The following DGLUCY variants were observed in gnomAD, a reference collection of about 807,000 sequenced individuals.
The protein encoded by DGLUCY is D-glutamate cyclase, mitochondrial.
A neutral mutation model predicts 58.5 loss-of-function variants in DGLUCY; 58 were observed. That is an observed-to-expected ratio of 0.99 (90% CI 0.80 to 1.23). The LOEUF (loss-of-function observed/expected upper bound fraction) is 1.23, where lower values mean the gene tolerates loss of function less well. DGLUCY is among the 50% of genes most tolerant of loss of function. The probability of loss-of-function intolerance (pLI) is 0.00; values close to 1 mark genes in which losing one functional copy is unlikely to be tolerated. For missense variants in DGLUCY, 779 were observed against 784.7 expected, an observed-to-expected ratio of 0.99 and a Z score of 0.09; for synonymous variants, 325 against 314.1, an observed-to-expected ratio of 1.03 and a Z score of -0.37.
intron 1 of DGLUCY, among the ~76,000 whole-genome samples, chr14:91,061,346 G>A (rs893315003): frequency 6.6e-6 from 1 of 152,320 alleles, no homozygotes; most frequent in Non-Finnish European, 1.5e-5. Context: ...ACGAAGGAGA[G>A]ACATTTCTGT....
At chr14:91,075,066 C>G (rs1448773480) in intron 1 of DGLUCY, among the ~76,000 whole-genome samples, 1 of 143,036 alleles carries the variant, frequency 7.0e-6, no homozygotes, top group East Asian at 2.0e-4. Context: ...GAGAGAAACT[C>G]CGTCTCAAAA....
Position 91,192,661 on chromosome 14 carries a change from G to A in DGLUCY, c.1195+3491G>A, listed in dbSNP as rs142206331. The stretch of plus-strand genomic sequence containing the variant: ...CTAAAAATACAAAAATTAGCCAGGC[G>A]TGGTGGCTGGTGCACACCTGTAATC... On this transcript the variant is annotated intron_variant, in intron 9 of 13. Coordinates refer to ENST00000256324, the MANE Select transcript of DGLUCY (RefSeq NM_001102368.3). Among the ~76,000 whole-genome samples, 11 of 152,038 alleles carry A rather than the reference G, an allele frequency of 7.2e-5. No homozygotes were observed. The East Asian group carries it at 9.6e-4, about 13-fold the overall frequency.
intron 3 of DGLUCY, among the ~76,000 whole-genome samples, chr14:91,163,259 C>CA (rs1293171005): frequency 6.8e-6 from 1 of 148,038 alleles, no homozygotes; most frequent in South Asian, 2.1e-4. Flanking sequence ...GACTCCGTCT[C>CA]AAAAAAAAGA....
At chr14:91,116,893 G>A (rs2044992305) in intron 1 of DGLUCY, among the ~76,000 whole-genome samples, 3 of 149,318 alleles carry the variant, frequency 2.0e-5, no homozygotes, top group South Asian at 4.2e-4. Flanking sequence ...GCAGTGAGCC[G>A]AAATCGCCCC....
chr14:91,218,613 G>A (rs1203515920), intron 13 of DGLUCY, among the ~76,000 whole-genome samples: 2 of 151,876 alleles, frequency 1.3e-5, no homozygotes, highest in African/African-American at 2.4e-5. Context: ...ATGTTGGCCA[G>A]GCTGGTCTTG....
At chr14:91,184,259 C>T (rs1008055677) in intron 8 of DGLUCY, among the ~76,000 whole-genome samples, 3 of 152,026 alleles carry the variant, frequency 2.0e-5, no homozygotes, top group Non-Finnish European at 2.9e-5. Context: ...AGCACTGTCA[C>T]GAATCTGACA....
chr14:91,167,718 C>T (rs1225152835), intron 4 of DGLUCY: 1 of 698,870 alleles, frequency 1.4e-6, no homozygotes, highest in African/African-American at 1.8e-5. Flanking sequence ...ACTTGCATTA[C>T]CAACACCCAG....
At chr14:91,075,475 G>A (rs2044004832) in intron 1 of DGLUCY, among the ~76,000 whole-genome samples, 1 of 152,096 alleles carries the variant, frequency 6.6e-6, no homozygotes, top group African/African-American at 2.4e-5. Flanking sequence ...AAGAGCCCTT[G>A]TTTGTCCTTT....
chr14:91,199,575 C>T (rs1439338610), intron 10 of DGLUCY, among the ~76,000 whole-genome samples, 182 bp from the exon 11 acceptor site: 3 of 152,116 alleles, frequency 2.0e-5, no homozygotes, highest in African/African-American at 7.2e-5. Context: ...CTTAAACTGA[C>T]TTAATAGACT....
intron 12 of DGLUCY, among the ~76,000 whole-genome samples, chr14:91,212,731 A>C (rs1317236802): frequency 6.6e-6 from 1 of 150,920 alleles, no homozygotes; most frequent in East Asian, 2.0e-4. Context: ...GGCTGGGCGC[A>C]GTGGCTCACA....
chr14:91,193,862 G>C (rs1025126055), intron 9 of DGLUCY, among the ~76,000 whole-genome samples: 1 of 147,106 alleles, frequency 6.8e-6, no homozygotes, highest in African/African-American at 2.5e-5. Context: ...AAAAAAAAAA[G>C]GAGTTTTAAA....
intron 1 of DGLUCY, among the ~76,000 whole-genome samples, chr14:91,156,039 A>G (rs1016666697): frequency 3.6e-4 from 54 of 151,980 alleles, no homozygotes; most frequent in African/African-American, 1.3e-3. Flanking sequence ...CGGTTAATAG[A>G]GAATTCTCCA....
intron 1 of DGLUCY, among the ~76,000 whole-genome samples, chr14:91,096,159 G>A (rs1024945535): frequency 3.3e-5 from 5 of 152,134 alleles, no homozygotes; most frequent in Admixed American, 6.6e-5. Flanking sequence ...GAGGCTGGGC[G>A]CGGTGGCACT....
intron 13 of DGLUCY, chr14:91,223,586 A>T: frequency 9.7e-7 from 1 of 1,033,814 alleles, no homozygotes; most frequent in Non-Finnish European, 1.3e-6. Context: ...CAGACACATT[A>T]GTGGCTTGGG....
intron 1 of DGLUCY, among the ~76,000 whole-genome samples, chr14:91,099,856 C>A (rs556132591): frequency 2.0e-5 from 3 of 152,054 alleles, no homozygotes; most frequent in African/African-American, 7.2e-5. Flanking sequence ...AGTTTCCTCA[C>A]CTTCGACATC....
upstream of DGLUCY, among the ~76,000 whole-genome samples, chr14:91,103,904 C>G (rs2044536963): frequency 6.6e-6 from 1 of 151,788 alleles, no homozygotes; most frequent in African/African-American, 2.4e-5. Context: ...GCTCCCACTT[C>G]TGCGCATGTC....
intron 12 of DGLUCY, among the ~76,000 whole-genome samples, chr14:91,205,809 C>CCGT (rs761908586): frequency 1.8e-4 from 9 of 51,108 alleles, no homozygotes; most frequent in Non-Finnish European, 2.8e-4. Flanking sequence ...GTCTCCTTCT[C>CCGT]CTCCTCCTCC....
chr14:91,067,484 C>G (rs1048691979), intron 1 of DGLUCY, among the ~76,000 whole-genome samples: 2 of 152,006 alleles, frequency 1.3e-5, no homozygotes, highest in African/African-American at 4.8e-5. Context: ...CAAAACACTT[C>G]AAAGTATACA....
At chr14:91,176,179 A>G (rs2140428338) in intron 7 of DGLUCY, 123 bp downstream of exon 7, 1 of 1,191,382 alleles carries the variant, frequency 8.4e-7, no homozygotes, top group East Asian at 2.7e-5. Flanking sequence ...CAAAACACAA[A>G]ACAGAGGCCT....
Sources: allele counts gnomAD v4.1 joint callset (sites outside exome capture counted in the v4.1 genomes callset), GRCh38; gene constraint gnomAD v4.1.1; transcripts MANE v1.5; gene names NCBI Gene and HGNC (gene_info 2026-07-23, HGNC 2026-07-21).